Variants in FNDC3B observed in about 807,000 individuals in gnomAD.
FNDC3B encodes the protein fibronectin type III domain containing 3B.
Under a neutral mutation model 151.5 loss-of-function variants are expected in FNDC3B, and 12 were observed. The observed-to-expected ratio is 0.08, with a 90% CI of 0.05 to 0.13. The LOEUF (loss-of-function observed/expected upper bound fraction) is 0.13. FNDC3B is among the 10% of genes least tolerant of loss of function. The pLI, the probability that FNDC3B is intolerant of heterozygous loss-of-function variation, is 1.00. For missense variants in FNDC3B, 1,214 were observed against 1,505.3 expected, an observed-to-expected ratio of 0.81 and a Z score of 3.20; for synonymous variants, 528 against 549.0, an observed-to-expected ratio of 0.96 and a Z score of 0.54.
chr3:172,177,784 C>G (rs1328672663), intron 3 of FNDC3B, among the ~76,000 whole-genome samples: 2 of 151,824 alleles, frequency 1.3e-5, no homozygotes, highest in African/African-American at 4.8e-5. Flanking sequence ...TTTGCTGCAC[C>G]TTAACCCATC....
chr3:172,251,170 C>A, intron 5 of FNDC3B, 90 bp from the exon 6 acceptor site: 1 of 1,039,374 alleles, frequency 9.6e-7, no homozygotes, highest in Non-Finnish European at 1.4e-6. Flanking sequence ...ATACTTTAGA[C>A]TTCTTCAGGA....
chr3:172,231,300 G>A (rs1193221690), intron 4 of FNDC3B, among the ~76,000 whole-genome samples: 1 of 152,178 alleles, frequency 6.6e-6, no homozygotes, highest in Non-Finnish European at 1.5e-5. Flanking sequence ...AGGAGTTGGG[G>A]GGAAGGAGTT....
intron 3 of FNDC3B, among the ~76,000 whole-genome samples, chr3:172,200,032 T>TTCAG (rs1203064635): frequency 6.6e-5 from 10 of 151,920 alleles, no homozygotes; most frequent in Admixed American, 5.2e-4. Flanking sequence ...CATTCATTCA[T>TTCAG]TCTCTAACCC....
At position 172,094,535 on chromosome 3, in the gene FNDC3B, C is replaced by T. The variant is rs1576857011; in HGVS notation, c.-28-17917C>T. Among the ~76,000 whole-genome samples, 3 of 152,186 alleles carry T rather than the reference C, an allele frequency of 2.0e-5. No homozygotes were observed. The South Asian group carries it at 6.2e-4, about 32-fold the overall frequency. ...ATAAAATGGATACATTTAAGCTATG[C>T]GTCCATAAAATGGATACATTTTTGT... On this transcript the variant is annotated intron_variant, in intron 1 of 25. Coordinates refer to ENST00000415807, the MANE Select transcript of FNDC3B (RefSeq NM_022763.4).
intron 6 of FNDC3B, among the ~76,000 whole-genome samples, chr3:172,259,611 T>C (rs1199792770): frequency 6.6e-6 from 1 of 152,214 alleles, no homozygotes; most frequent in Non-Finnish European, 1.5e-5. Flanking sequence ...ATGATTTTTT[T>C]CCCTCTTACT....
chr3:172,152,065 G>C (rs113717733), intron 3 of FNDC3B, among the ~76,000 whole-genome samples: 3 of 152,206 alleles, frequency 2.0e-5, no homozygotes, highest in Non-Finnish European at 4.4e-5. Context: ...TAGAGGGTCT[G>C]TCAGGCTTCT....
intron 21 of FNDC3B, among the ~76,000 whole-genome samples, chr3:172,348,080 A>G (rs757039032): frequency 1.4e-4 from 22 of 152,174 alleles, no homozygotes; most frequent in Non-Finnish European, 2.8e-4. Flanking sequence ...GCATTATAGT[A>G]CTTTGTACCA....
chr3:172,063,596 G>C (rs1433963149), intron 1 of FNDC3B, among the ~76,000 whole-genome samples: 2 of 152,118 alleles, frequency 1.3e-5, no homozygotes, highest in Non-Finnish European at 2.9e-5. Flanking sequence ...TCTCTTTCCT[G>C]TTCTCAGATA....
At chr3:172,187,748 T>TTG (rs1724267135) in intron 3 of FNDC3B, among the ~76,000 whole-genome samples, 1 of 152,024 alleles carries the variant, frequency 6.6e-6, no homozygotes, top group Admixed American at 6.5e-5. Flanking sequence ...TCCCATCTCA[T>TTG]TGTCCTGAAT....
At chr3:172,099,211 A>G (rs1213664284) in intron 1 of FNDC3B, among the ~76,000 whole-genome samples, 1 of 152,200 alleles carries the variant, frequency 6.6e-6, no homozygotes, top group Non-Finnish European at 1.5e-5. Context: ...TGCTCTAGGA[A>G]CTGAATTTCA....
At chr3:172,342,935 G>T in intron 17 of FNDC3B, 76 bp from the exon 18 acceptor site, 1 of 856,306 alleles carries the variant, frequency 1.2e-6, no homozygotes, top group Non-Finnish European at 2.0e-6. Context: ...TTATGGGGTG[G>T]AATTTGCCTG....
chr3:172,332,550 G>A (rs1732734570), intron 13 of FNDC3B, among the ~76,000 whole-genome samples: 1 of 152,198 alleles, frequency 6.6e-6, no homozygotes, highest in African/African-American at 2.4e-5. Flanking sequence ...CACAGAGAAG[G>A]TACTAAGTAG....
At chr3:172,279,173 T>C (rs147026313) in intron 6 of FNDC3B, among the ~76,000 whole-genome samples, 4 of 135,632 alleles carry the variant, frequency 2.9e-5, no homozygotes, top group African/African-American at 1.1e-4. Flanking sequence ...AGGGGGTTAA[T>C]GTGAATGTTC....
At chr3:172,115,559 T>C (rs1195415351) in intron 2 of FNDC3B, among the ~76,000 whole-genome samples, 1 of 152,164 alleles carries the variant, frequency 6.6e-6, no homozygotes, top group Non-Finnish European at 1.5e-5. Flanking sequence ...GAGAAAGTGA[T>C]CTATATGAAT....
chr3:172,207,654 G>A lies in FNDC3B; in HGVS notation c.188-19217G>A, dbSNP rs570795196. 1.5e-4 allele frequency among the ~76,000 whole-genome samples: 23 copies of A among 152,292 alleles called. No individual in the cohort carries two copies. The South Asian group carries it at 3.5e-3, about 23-fold the overall frequency. On this transcript the variant is annotated intron_variant, in intron 3 of 25. Coordinates refer to ENST00000415807, the MANE Select transcript of FNDC3B (RefSeq NM_022763.4). Reference sequence around the variant, plus strand: ...CATCCAATTGGCCAAAAGGCATCAAGGAGGTTCTCACTCCCAGTAGCAGTG... The same window carrying A: ...CATCCAATTGGCCAAAAGGCATCAAAGAGGTTCTCACTCCCAGTAGCAGTG...
chr3:172,226,081 G>A (rs1262304616), intron 3 of FNDC3B, among the ~76,000 whole-genome samples: 1 of 152,066 alleles, frequency 6.6e-6, no homozygotes, highest in Non-Finnish European at 1.5e-5. Flanking sequence ...GCCAAGGCAG[G>A]CGGGTCTTGA....
At chr3:172,227,665 T>A (rs1726659957) in intron 4 of FNDC3B, among the ~76,000 whole-genome samples, 2 of 152,336 alleles carry the variant, frequency 1.3e-5, no homozygotes, top group South Asian at 4.1e-4. Context: ...CATAGCTACC[T>A]TTCCAAATAC....
intron 16 of FNDC3B, among the ~76,000 whole-genome samples, chr3:172,339,909 C>T (rs1253142464): frequency 2.0e-5 from 3 of 152,154 alleles, no homozygotes; most frequent in Admixed American, 1.3e-4. Context: ...TTAGTGCATG[C>T]GACTCTGTTG....
intron 2 of FNDC3B, among the ~76,000 whole-genome samples, chr3:172,119,194 AATG>A (rs1720417143): frequency 6.7e-6 from 1 of 149,856 alleles, no homozygotes; most frequent in African/African-American, 2.5e-5. Flanking sequence ...AAAAAAAAAG[AATG>A]AGAGGATAGG....
Sources: allele counts gnomAD v4.1 joint callset (sites outside exome capture counted in the v4.1 genomes callset), GRCh38; gene constraint gnomAD v4.1.1; transcripts MANE v1.5; gene names NCBI Gene and HGNC (gene_info 2026-07-23, HGNC 2026-07-21).